The following BCAS3 variants were observed in gnomAD, a reference collection of about 807,000 sequenced individuals.
BCAS3 encodes the protein BCAS4/BCAS3 fusion.
Under a neutral mutation model 116.1 loss-of-function variants are expected in BCAS3, and 53 were observed. The observed-to-expected ratio is 0.46, with a 90% confidence interval of 0.37 to 0.57. The LOEUF is 0.57. Ranked by LOEUF, BCAS3 falls within the 20% of genes least tolerant of loss-of-function variation. The probability of loss-of-function intolerance (pLI) is 0.00; values close to 1 mark genes in which losing one functional copy is unlikely to be tolerated. For missense variants in BCAS3, 917 were observed against 1,165.4 expected, an observed-to-expected ratio of 0.79 and a Z score of 3.10; for synonymous variants, 391 against 408.2, an observed-to-expected ratio of 0.96 and a Z score of 0.51.
rs2058160280 is a variant in BCAS3, at chr17:61,356,783, T to A, written c.2426-11544T>A. 6.6e-6 allele frequency: 1 copy of A among 152,240 alleles called. No homozygotes were observed. Among genetic ancestry groups the A allele is most frequent in the Non-Finnish European group, 1.5e-5 (1 of 68,036 alleles). The allele number at this position is 152,240 out of a possible 1,614,324, so 9.4% of individuals were successfully genotyped here. On this transcript the variant is annotated intron_variant, in intron 22 of 23. Coordinates refer to ENST00000407086, the MANE Select transcript of BCAS3 (RefSeq NM_017679.5). This position sits in a 1 kb window ranked among gnomAD's most constrained non-coding sequence, Gnocchi z 5.4. ...ACAGAGGTGGAATCGTTTCTGCCAT[T>A]TTTCACACACAAGTTGGTGCACATT...
At chr17:60,797,794 T>C (rs997128260) in intron 6 of BCAS3, among the ~76,000 whole-genome samples, 2 of 152,186 alleles carry the variant, frequency 1.3e-5, no homozygotes, top group Non-Finnish European at 2.9e-5. Context: ...TTTTAATTAG[T>C]AAGCTTTATT....
In BCAS3 at chr17:61,161,607, C is replaced by T. The variant is rs954216426; in HGVS notation, c.2425+77043C>T. ...ACACATTTCTGAATGAAAAGATAGA[C>T]GATGTCTTTATTTTAAACAATCTAG... On this transcript the variant is annotated intron_variant, in intron 22 of 23. Coordinates refer to ENST00000407086, the MANE Select transcript of BCAS3 (RefSeq NM_017679.5). This position sits in a 1 kb window ranked among gnomAD's most constrained non-coding sequence, Gnocchi z 4.8. Among the ~76,000 whole-genome samples, 3 of 151,970 alleles carry T rather than the reference C, an allele frequency of 2.0e-5. No individual in the cohort carries two copies. The highest frequency in any genetic ancestry group is 2.1e-4 in the South Asian group (1 of 4,830).
Position 61,118,086 on chromosome 17 carries a change from T to C in BCAS3, c.2425+33522T>C, listed in dbSNP as rs1160373539. 6.6e-6 allele frequency among the ~76,000 whole-genome samples: 1 copy of C among 152,214 alleles called. No individual in the cohort carries two copies. Among genetic ancestry groups the C allele is most frequent in the Non-Finnish European group, 1.5e-5 (1 of 68,038 alleles). The stretch of plus-strand genomic sequence containing the variant: ...TGGAAGTATGTTGAATCATTTTCAG[T>C]TGAAAGCTGGGCATTTCCCTATGAT... On this transcript the variant is annotated intron_variant, in intron 22 of 23. Coordinates refer to ENST00000407086, the MANE Select transcript of BCAS3 (RefSeq NM_017679.5). This position sits in a 1 kb window ranked among gnomAD's most constrained non-coding sequence, Gnocchi z 5.0.
chr17:60,822,433 A>C (rs111330380), intron 7 of BCAS3, among the ~76,000 whole-genome samples: 5,767 of 152,264 alleles, frequency 0.038, 160 homozygotes, highest in Middle Eastern at 0.11. Flanking sequence ...TTTCTCGTTT[A>C]TAATATTGTT....
In BCAS3 at chr17:61,156,297, T is replaced by G. The variant is rs1028302842; in HGVS notation, c.2425+71733T>G. 6.6e-6 allele frequency among the ~76,000 whole-genome samples: 1 copy of G among 152,182 alleles called. No individual in the cohort carries two copies. Among genetic ancestry groups the G allele is most frequent in the Non-Finnish European group, 1.5e-5 (1 of 68,022 alleles). ...TTGGAATTGAGCCTGGTAAAATTCC[T>G]TAGGTCTAAAACTGGAATCTCAGGC... On this transcript the variant is annotated intron_variant, in intron 22 of 23. Transcript: ENST00000407086. The surrounding 1 kb of genome is among the most constrained non-coding windows in gnomAD (Gnocchi z 4.7).
At chr17:60,753,547 C>G (rs62082870) in intron 6 of BCAS3, among the ~76,000 whole-genome samples, 1 of 151,764 alleles carries the variant, frequency 6.6e-6, no homozygotes, top group African/African-American at 2.4e-5. Flanking sequence ...GTAGCTGGGA[C>G]TACAGGCGCC....
Position 61,279,645 on chromosome 17 carries a change from C to T in BCAS3, c.2426-88682C>T, listed in dbSNP as rs1399718853. ...CCTTGGGATAAGCATATATTACATTCAGTCTTAATCCCTTGGAGGACACAG... is the reference window on the plus strand; with the variant it reads ...CCTTGGGATAAGCATATATTACATTTAGTCTTAATCCCTTGGAGGACACAG... On this transcript the variant is annotated intron_variant, in intron 22 of 23. Coordinates refer to ENST00000407086, the MANE Select transcript of BCAS3 (RefSeq NM_017679.5). This position sits in a 1 kb window ranked among gnomAD's most constrained non-coding sequence, Gnocchi z 4.4. Among the ~76,000 whole-genome samples the T allele has an allele frequency of 6.6e-6, 1 of 152,172 alleles. No homozygotes were observed. Among genetic ancestry groups the T allele is most frequent in the Non-Finnish European group, 1.5e-5 (1 of 68,048 alleles).
In BCAS3 at chr17:61,131,306, G is replaced by A. The variant is rs1205824125; in HGVS notation, c.2425+46742G>A. On this transcript the variant is annotated intron_variant, in intron 22 of 23. Coordinates refer to ENST00000407086, the MANE Select transcript of BCAS3 (RefSeq NM_017679.5). The surrounding 1 kb of genome is among the most constrained non-coding windows in gnomAD (Gnocchi z 4.4). ...TACTTGGAAAGTTTCATTTCCTAAT[G>A]ACATCACTGAAACAGCAGGTATGAC... Among the ~76,000 whole-genome samples, 1 of 152,094 alleles carries A rather than the reference G, an allele frequency of 6.6e-6. No individual in the cohort carries two copies. The highest frequency in any genetic ancestry group is 2.4e-5 in the African/African-American group (1 of 41,424).
At position 61,281,985 on chromosome 17, in the gene BCAS3, A is replaced by G. The variant is rs2051286490; in HGVS notation, c.2426-86342A>G. Reference sequence around the variant, plus strand: ...CAGCTATTTCAATTTAGGCTGTTTCATGTAATGAGAGGAAGACTGAATTTG... The same window carrying G: ...CAGCTATTTCAATTTAGGCTGTTTCGTGTAATGAGAGGAAGACTGAATTTG... On this transcript the variant is annotated intron_variant, in intron 22 of 23. Coordinates refer to ENST00000407086, the MANE Select transcript of BCAS3 (RefSeq NM_017679.5). The surrounding 1 kb of genome is among the most constrained non-coding windows in gnomAD (Gnocchi z 4.2). Among the ~76,000 whole-genome samples, 1 of 152,194 alleles carries G rather than the reference A, an allele frequency of 6.6e-6. No individual in the cohort carries two copies. Among genetic ancestry groups the G allele is most frequent in the Admixed American group, 6.5e-5 (1 of 15,272 alleles).
chr17:61,331,096 C>T (rs541441513), intron 22 of BCAS3, among the ~76,000 whole-genome samples: 2 of 152,266 alleles, frequency 1.3e-5, no homozygotes, highest in Admixed American at 6.5e-5. Flanking sequence ...CCATGTCCTG[C>T]GTTCTGGGAG....
At chr17:61,112,821 G>A (rs2075179431) in intron 22 of BCAS3, among the ~76,000 whole-genome samples, 3 of 151,456 alleles carry the variant, frequency 2.0e-5, no homozygotes, top group Admixed American at 2.0e-4. Context: ...TTCCAAAATT[G>A]ACCACATACT....
At chr17:61,067,279 A>ATATATATATG (rs2070754639) in intron 19 of BCAS3, among the ~76,000 whole-genome samples, 1 of 102,534 alleles carries the variant, frequency 9.8e-6, no homozygotes, top group African/African-American at 5.0e-5. Flanking sequence ...ATGTGTATAT[A>ATATATATATG]TATATATATA....
chr17:60,920,360 G>C (rs1157158292), intron 12 of BCAS3, among the ~76,000 whole-genome samples: 2 of 152,144 alleles, frequency 1.3e-5, no homozygotes, highest in African/African-American at 4.8e-5. Flanking sequence ...ATCTGATAAA[G>C]GTCTAATATC....
chr17:60,897,095 A>G (rs2057562372), intron 10 of BCAS3, among the ~76,000 whole-genome samples: 1 of 152,152 alleles, frequency 6.6e-6, no homozygotes, highest in African/African-American at 2.4e-5. Flanking sequence ...TGTAGGGTCA[A>G]TATAGTGATA....
chr17:61,262,171 G>A (rs1438769507), intron 22 of BCAS3, among the ~76,000 whole-genome samples: 1 of 151,846 alleles, frequency 6.6e-6, no homozygotes, highest in Non-Finnish European at 1.5e-5. Context: ...AACATTGCTG[G>A]ATACAGAATT....
intron 6 of BCAS3, among the ~76,000 whole-genome samples, chr17:60,781,105 G>C (rs1478136602): frequency 6.6e-6 from 1 of 151,746 alleles, no homozygotes; most frequent in Non-Finnish European, 1.5e-5. Context: ...AGTAGGTTGG[G>C]GTTACAGGTG....
intron 14 of BCAS3, among the ~76,000 whole-genome samples, chr17:60,976,524 GA>G (rs2062389026): frequency 6.6e-6 from 1 of 151,962 alleles, no homozygotes; most frequent in South Asian, 2.1e-4. Flanking sequence ...ATAGTGGAGG[GA>G]AGGTCAGCAG....
intron 6 of BCAS3, among the ~76,000 whole-genome samples, chr17:60,758,593 G>T (rs1303209002): frequency 1.3e-5 from 2 of 152,096 alleles, no homozygotes; most frequent in Admixed American, 1.3e-4. Context: ...TGTTGGCCAG[G>T]CTGGTCTCAA....
intron 22 of BCAS3, among the ~76,000 whole-genome samples, chr17:61,328,600 T>C (rs1001183847): frequency 6.6e-6 from 1 of 152,104 alleles, no homozygotes; most frequent in African/African-American, 2.4e-5. Context: ...ACTCCGTCTC[T>C]ACAAAAAATA....
Sources: allele counts gnomAD v4.1 joint callset (sites outside exome capture counted in the v4.1 genomes callset), GRCh38; gene constraint gnomAD v4.1.1; non-coding constraint Gnocchi (gnomAD v3.1); transcripts MANE v1.5; gene names NCBI Gene and HGNC (gene_info 2026-07-23, HGNC 2026-07-21).